OTC: variants seen among roughly 807,000 people sequenced by gnomAD.
OTC encodes the protein ornithine transcarbamylase.
In OTC, 3 loss-of-function variants were observed where a neutral mutation model predicts 30.3. The observed-to-expected ratio is 0.10, with a 90% CI of 0.05 to 0.26. The LOEUF (loss-of-function observed/expected upper bound fraction) is 0.26, where lower values mean the gene tolerates loss of function less well. OTC is among the 10% of genes least tolerant of loss of function. The pLI is 1.00. For synonymous variants in OTC, 111 were observed against 99.7 expected, an observed-to-expected ratio of 1.11 and a Z score of -0.67; for missense variants, 194 against 260.3, an observed-to-expected ratio of 0.75 and a Z score of 1.75.
intron 1 of OTC, among the ~76,000 whole-genome samples, chrX:38,357,116 G>A (rs972632024): frequency 2.7e-5 from 3 of 111,497 alleles, no homozygotes; most frequent in African/African-American, 9.8e-5. Flanking sequence ...AAAGAGAATC[G>A]CTAATTTCGT....
chrX:38,338,268 G>A, the OTC span, among the ~76,000 whole-genome samples: 3 of 112,161 alleles, frequency 2.7e-5, no homozygotes, highest in African/African-American at 6.5e-5. Flanking sequence ...ATAAGAAATA[G>A]CCACCTCATC....
the OTC span, among the ~76,000 whole-genome samples, chrX:38,340,459 G>GTTTTTTTTTTTTTTTTT: frequency 6.6e-5 from 4 of 60,503 alleles, no homozygotes; most frequent in Non-Finnish European, 8.9e-5. Flanking sequence ...TTGTTTTTTT[G>GTTTTTTTTTTTTTTTTT]TTTTTTTTTT....
intron 4 of OTC, among the ~76,000 whole-genome samples, chrX:38,385,625 T>C (rs1262558019): frequency 9.0e-6 from 1 of 111,613 alleles, no homozygotes; most frequent in East Asian, 2.8e-4. Context: ...AGGGAAGCCA[T>C]TAATGTTCTA....
the OTC span, among the ~76,000 whole-genome samples, chrX:38,340,943 C>T: frequency 9.1e-6 from 1 of 110,319 alleles, no homozygotes; most frequent in Non-Finnish European, 1.9e-5. Flanking sequence ...ATTACAGGCG[C>T]CTGCTACCAT....
At chrX:38,362,891 C>T (rs989509487) in intron 1 of OTC, among the ~76,000 whole-genome samples, 3 of 111,749 alleles carry the variant, frequency 2.7e-5, no homozygotes, top group African/African-American at 9.8e-5. Flanking sequence ...AAATTTAGTC[C>T]TTTGCAAAAT....
rs983307564 is a variant in OTC, at chrX:38,380,067, C to A, written c.299-1275C>A. Among the ~76,000 whole-genome samples the A allele has an allele frequency of 4.5e-5, 5 of 111,801 alleles. No individual in the cohort carries two copies. The East Asian group carries it at 1.4e-3, about 31-fold the overall frequency. Reference sequence around the variant, plus strand: ...AATGATATTTTACCCCAAAATACATCAGTTTGTATCCCCAAAAAATAAGGA... The same window carrying A: ...AATGATATTTTACCCCAAAATACATAAGTTTGTATCCCCAAAAAATAAGGA... On this transcript the variant is annotated intron_variant, in intron 3 of 9. Coordinates refer to ENST00000039007, the MANE Select transcript of OTC (RefSeq NM_000531.6).
At chrX:38,395,613 A>C in intron 4 of OTC, 1 of 147,821 alleles carries the variant, frequency 6.8e-6, no homozygotes, top group South Asian at 2.0e-4. Context: ...ACATGCTCAC[A>C]GTTCCATCCA....
At chrX:38,331,448 T>G in the OTC span, among the ~76,000 whole-genome samples, 14 of 74,519 alleles carry the variant, frequency 1.9e-4, no homozygotes, top group Middle Eastern at 8.4e-3. Flanking sequence ...TTTTGTTTTT[T>G]TTTTTTGTTT....
At chrX:38,329,744 T>C in the OTC span, among the ~76,000 whole-genome samples, 1 of 111,845 alleles carries the variant, frequency 8.9e-6, no homozygotes, top group South Asian at 3.8e-4. Context: ...GGTGTAACCT[T>C]TGTAAGTACA....
the OTC span, among the ~76,000 whole-genome samples, chrX:38,333,480 C>T: frequency 1.8e-5 from 2 of 110,754 alleles, no homozygotes; most frequent in Admixed American, 9.6e-5. Flanking sequence ...TCAACAGTCA[C>T]GCATGCTTTC....
chrX:38,413,637 A>G (rs1039914323), intron 9 of OTC, among the ~76,000 whole-genome samples: 1 of 107,758 alleles, frequency 9.3e-6, no homozygotes, highest in Non-Finnish European at 1.9e-5. Context: ...CTGTAGGTCT[A>G]AGATGGAGCT....
intron 5 of OTC, among the ~76,000 whole-genome samples, chrX:38,401,772 A>G (rs969759619): frequency 8.9e-6 from 1 of 112,211 alleles, no homozygotes; most frequent in Non-Finnish European, 1.9e-5. Context: ...TTCTATAGAC[A>G]TCAGGTCTGT....
At chrX:38,367,451 C>T (rs775711263) in intron 2 of OTC, 22 bp downstream of exon 2, 21 of 1,170,473 alleles carry the variant, frequency 1.8e-5, no homozygotes, top group East Asian at 3.0e-5. Context: ...TTTCTTTTTA[C>T]GTTCCATTAC....
Position 38,403,758 on chromosome X carries a change from C to T in OTC, c.663+18C>T. On this transcript the variant is annotated intron_variant, in intron 6 of 9. Coordinates refer to ENST00000039007, the MANE Select transcript of OTC (RefSeq NM_000531.6). ...CTCCAAAGGTAGGGAAACTTTTTGC[C>T]TTGAAACTAACCCCTCTCTTAAATC... 1 of 1,206,373 alleles carries T rather than the reference C, an allele frequency of 8.3e-7. No individual in the cohort carries two copies. Among genetic ancestry groups the T allele is most frequent in the Non-Finnish European group, 1.1e-6 (1 of 890,812 alleles).
chrX:38,346,540 G>A, the OTC span, among the ~76,000 whole-genome samples: 14 of 112,276 alleles, frequency 1.2e-4, no homozygotes, highest in African/African-American at 4.5e-4. Context: ...CTCCTCAAGC[G>A]GGAAACAACT....
chrX:38,411,935 A>G lies in OTC; in HGVS notation c.941A>G (p.Glu314Gly). The change falls in exon 9 of 10, where the codon GAA (glutamate) becomes GGA (glycine). Residue 314 changes from glutamate to glycine, a missense_variant. Coordinates refer to ENST00000039007, the MANE Select transcript of OTC (RefSeq NM_000531.6). ...AGAAAGCCAGAAGAAGTGGATGATG[A>G]AGTCTTTTATTCTCCTCGATCACTA... ...LPRKPEEVDD[E>G]VFYSPRSLVF... 8.3e-7 allele frequency: 1 copy of G among 1,208,893 alleles called. No homozygotes were observed. Among genetic ancestry groups the G allele is most frequent in the Non-Finnish European group, 1.1e-6 (1 of 892,771 alleles).
chrX:38,408,361 T>C, intron 6 of OTC, among the ~76,000 whole-genome samples: 1 of 111,841 alleles, frequency 8.9e-6, no homozygotes, highest in Non-Finnish European at 1.9e-5. Context: ...GAAGAAAGAA[T>C]TTCAGACAAG....
chrX:38,374,884 G>C (rs1235505829), intron 3 of OTC, among the ~76,000 whole-genome samples: 4 of 112,023 alleles, frequency 3.6e-5, no homozygotes, highest in African/African-American at 1.3e-4. Context: ...TGTTTATAAA[G>C]AAATTAAGTA....
chrX:38,376,029 A>G (rs2068346341), intron 3 of OTC, among the ~76,000 whole-genome samples: 1 of 111,437 alleles, frequency 9.0e-6, no homozygotes, highest in Non-Finnish European at 1.9e-5. Flanking sequence ...TATCAAGTAG[A>G]AAATGAAGAT....
Sources: gnomAD v4.1 joint callset for allele counts (sites outside exome capture counted in the v4.1 genomes callset) on GRCh38, gnomAD v4.1.1 for gene constraint, MANE v1.5 for transcripts, NCBI Gene and HGNC (gene_info 2026-07-23, HGNC 2026-07-21) for gene names.